CNTN5: variants seen among roughly 807,000 people sequenced by gnomAD.
The protein encoded by CNTN5 is contactin 5.
Under a neutral mutation model 129.1 loss-of-function variants are expected in CNTN5, and 77 were observed. That is an observed-to-expected ratio of 0.60 (90% CI 0.50 to 0.72). CNTN5 has a LOEUF of 0.72. Among genes scored for constraint, CNTN5 ranks in the 30% least tolerant of loss-of-function variants. The pLI, the probability that CNTN5 is intolerant of heterozygous loss-of-function variation, is 0.00. For missense variants in CNTN5, 1,478 were observed against 1,328.8 expected, an observed-to-expected ratio of 1.11 and a Z score of -1.75; for synonymous variants, 509 against 465.6, an observed-to-expected ratio of 1.09 and a Z score of -1.20.
chr11:99,587,864 C>A (rs982339944), intron 3 of CNTN5, among the ~76,000 whole-genome samples: 5 of 152,112 alleles, frequency 3.3e-5, no homozygotes, highest in African/African-American at 1.2e-4. Flanking sequence ...TGCTGAGTGA[C>A]ATTAGGAGCA....
At chr11:99,580,933 A>G (rs1381036201) in intron 3 of CNTN5, among the ~76,000 whole-genome samples, 1 of 144,626 alleles carries the variant, frequency 6.9e-6, no homozygotes, top group Admixed American at 7.0e-5. Context: ...TAGGGTGTCA[A>G]TTTTAGATCT....
chr11:99,779,104 C>T (rs546340328), intron 3 of CNTN5, among the ~76,000 whole-genome samples: 2 of 151,706 alleles, frequency 1.3e-5, no homozygotes, highest in South Asian at 4.1e-4. Flanking sequence ...AATCTATAGA[C>T]ATTTTAATAT....
chr11:99,318,232 C>A (rs1447301481), intron 1 of CNTN5, among the ~76,000 whole-genome samples: 1 of 152,066 alleles, frequency 6.6e-6, no homozygotes, highest in East Asian at 1.9e-4. Context: ...TAATTAAGCA[C>A]AATTCAATCA....
intron 13 of CNTN5, among the ~76,000 whole-genome samples, chr11:100,080,288 G>A (rs929346235): frequency 6.6e-6 from 1 of 151,296 alleles, no homozygotes; most frequent in African/African-American, 2.4e-5. Flanking sequence ...TGGAGGTGCA[G>A]TATTATAGAA....
At chr11:99,599,939 G>T (rs2135701178) in intron 3 of CNTN5, among the ~76,000 whole-genome samples, 1 of 151,948 alleles carries the variant, frequency 6.6e-6, no homozygotes, top group South Asian at 2.1e-4. Flanking sequence ...AACCAAATGG[G>T]GTCATCTACT....
Position 99,112,433 on chromosome 11 carries a change from T to C in CNTN5, c.-210+91163T>C, listed in dbSNP as rs376773722. ...TTAATCTTATAAATGATTACTCTAA[T>C]TGAAAGTATAAAAACAAAGATTTAT... On this transcript the variant is annotated intron_variant, in intron 1 of 24. Transcript: ENST00000524871. 4.8e-4 allele frequency among the ~76,000 whole-genome samples: 73 copies of C among 152,046 alleles called. 1 individual carries two copies. The highest frequency in any genetic ancestry group is 1.7e-3 in the African/African-American group (69 of 41,460).
At chr11:99,831,716 A>T (rs1947146444) in intron 4 of CNTN5, among the ~76,000 whole-genome samples, 1 of 152,128 alleles carries the variant, frequency 6.6e-6, no homozygotes, top group Admixed American at 6.6e-5. Context: ...TCCACTTCTC[A>T]TTGCATGTCA....
chr11:99,851,414 T>C (rs1565604874), intron 6 of CNTN5, among the ~76,000 whole-genome samples: 2 of 152,160 alleles, frequency 1.3e-5, no homozygotes, highest in Non-Finnish European at 2.9e-5. Flanking sequence ...TGAGGATAAT[T>C]TCCTCAGCTA....
At chr11:99,292,236 A>G (rs1015128231) in intron 1 of CNTN5, among the ~76,000 whole-genome samples, 11 of 132,648 alleles carry the variant, frequency 8.3e-5, no homozygotes, top group African/African-American at 3.1e-4. Flanking sequence ...ATATATATAT[A>G]TAAAAGCTTA....
At chr11:100,350,287 T>C (rs1331735591) in intron 23 of CNTN5, among the ~76,000 whole-genome samples, 1 of 151,780 alleles carries the variant, frequency 6.6e-6, no homozygotes, top group Non-Finnish European at 1.5e-5. Flanking sequence ...GCCTCCTCTC[T>C]ACCTACTTCT....
intron 3 of CNTN5, among the ~76,000 whole-genome samples, chr11:99,802,744 G>A (rs1946152664): frequency 6.6e-6 from 1 of 152,140 alleles, no homozygotes; most frequent in Non-Finnish European, 1.5e-5. Flanking sequence ...ACCTGGACAT[G>A]CCATGCAGAG....
chr11:99,750,649 C>T (rs1160740555), intron 3 of CNTN5, among the ~76,000 whole-genome samples: 2 of 151,720 alleles, frequency 1.3e-5, no homozygotes, highest in Non-Finnish European at 2.9e-5. Flanking sequence ...CAGAATCTAA[C>T]TAAATATACT....
intron 1 of CNTN5, among the ~76,000 whole-genome samples, chr11:99,088,381 A>T (rs1866088165): frequency 6.6e-6 from 1 of 152,124 alleles, no homozygotes; most frequent in Non-Finnish European, 1.5e-5. Context: ...ACCTGTTAAG[A>T]ATTTTTTCCT....
intron 1 of CNTN5, among the ~76,000 whole-genome samples, chr11:99,047,220 A>G (rs757843349): frequency 6.6e-6 from 1 of 151,960 alleles, no homozygotes; most frequent in South Asian, 2.1e-4. Flanking sequence ...AACAAAATCA[A>G]TAACAGCCAA....
chr11:99,153,762 C>T (rs1334814313), intron 1 of CNTN5, among the ~76,000 whole-genome samples: 1 of 149,530 alleles, frequency 6.7e-6, no homozygotes, highest in Admixed American at 6.6e-5. Context: ...GTTCTTACTC[C>T]TCTATGTGGC....
chr11:99,463,115 A>ATAAATAAG (rs1298461303), intron 2 of CNTN5, among the ~76,000 whole-genome samples: 1 of 146,782 alleles, frequency 6.8e-6, no homozygotes, highest in Non-Finnish European at 1.5e-5. Flanking sequence ...CTCAAAATAA[A>ATAAATAAG]TAAATAAATA....
chr11:99,876,157 A>G (rs1234483708), intron 6 of CNTN5, among the ~76,000 whole-genome samples: 1 of 152,082 alleles, frequency 6.6e-6, no homozygotes, highest in Non-Finnish European at 1.5e-5. Flanking sequence ...CACTGAGCTG[A>G]GCTATCCCTA....
At chr11:99,039,816 C>T (rs1419485588) in intron 1 of CNTN5, among the ~76,000 whole-genome samples, 2 of 152,050 alleles carry the variant, frequency 1.3e-5, no homozygotes, top group Non-Finnish European at 2.9e-5. Flanking sequence ...CAGGAGTACC[C>T]TATCTAACAT....
chr11:99,181,801 C>G (rs1045848860), intron 1 of CNTN5, among the ~76,000 whole-genome samples: 1 of 152,114 alleles, frequency 6.6e-6, no homozygotes, highest in Non-Finnish European at 1.5e-5. Flanking sequence ...AAGTTGCCCC[C>G]TTTGGTGGAC....
Sources: allele counts gnomAD v4.1 joint callset (sites outside exome capture counted in the v4.1 genomes callset), GRCh38; gene constraint gnomAD v4.1.1; transcripts MANE v1.5; gene names NCBI Gene and HGNC (gene_info 2026-07-23, HGNC 2026-07-21).